Variants in REV3L observed in about 807,000 individuals in gnomAD.
REV3L encodes REV3 like, DNA directed polymerase zeta catalytic subunit, also known as DNA polymerase zeta catalytic subunit.
Under a neutral mutation model 299.4 loss-of-function variants are expected in REV3L, and 69 were observed. That is an observed-to-expected ratio of 0.23 (90% CI 0.19 to 0.28). The LOEUF (loss-of-function observed/expected upper bound fraction) is 0.28. REV3L is among the 10% of genes least tolerant of loss of function. The pLI is 1.00. For synonymous variants in REV3L, 1,238 were observed against 1,271.4 expected (o/e 0.97, Z 0.56); for missense variants, 3,128 against 3,693.8 (o/e 0.85, Z 3.97).
At chr6:111,410,122 TG>T (rs1270991194) in intron 3 of REV3L, among the ~76,000 whole-genome samples, 1 of 152,186 alleles carries the variant, frequency 6.6e-6, no homozygotes, top group Non-Finnish European at 1.5e-5. Flanking sequence ...GGAAGATCAC[TG>T]GAGCCCAGGA....
chr6:111,389,343 T>A (rs1781669351), intron 6 of REV3L, 133 bp from the exon 7 acceptor site: 2 of 677,662 alleles, frequency 3.0e-6, no homozygotes, highest in African/African-American at 3.6e-5. Flanking sequence ...GGACAAATTA[T>A]CCCAACCTAC....
intron 1 of REV3L, among the ~76,000 whole-genome samples, chr6:111,418,895 T>TA (rs1339119257): frequency 3.3e-5 from 5 of 152,134 alleles, no homozygotes; most frequent in Non-Finnish European, 7.4e-5. Flanking sequence ...TTAAATGAAT[T>TA]AAAGAACCCA....
chr6:111,392,462 G>C (rs985731147), intron 5 of REV3L, among the ~76,000 whole-genome samples: 1 of 151,944 alleles, frequency 6.6e-6, no homozygotes, highest in South Asian at 2.1e-4. Context: ...CAAAACCAGA[G>C]CATGTCAAAA....
intron 9 of REV3L, among the ~76,000 whole-genome samples, chr6:111,382,155 C>T (rs1780894226): frequency 6.6e-6 from 1 of 152,084 alleles, no homozygotes; most frequent in African/African-American, 2.4e-5. Context: ...AATATTAGTC[C>T]ATGTGGCCAT....
intron 25 of REV3L, among the ~76,000 whole-genome samples, chr6:111,324,563 C>CATAT (rs1774529240): frequency 6.6e-6 from 1 of 152,296 alleles, no homozygotes; most frequent in Non-Finnish European, 1.5e-5. Flanking sequence ...TATACTCGAA[C>CATAT]ATATACATAG....
chr6:111,356,902 T>C (rs892452185), intron 18 of REV3L, 112 bp downstream of exon 18: 39 of 485,208 alleles, frequency 8.0e-5, no homozygotes, highest in Admixed American at 2.6e-4. Context: ...TCAAGGGTCA[T>C]AGGAAGGGAT....
intron 4 of REV3L, among the ~76,000 whole-genome samples, chr6:111,403,041 A>G (rs969838545): frequency 2.6e-5 from 4 of 152,240 alleles, no homozygotes; most frequent in African/African-American, 9.6e-5. Flanking sequence ...GTGTATTCAC[A>G]TAACAGAGTA....
intron 9 of REV3L, among the ~76,000 whole-genome samples, chr6:111,386,656 T>C (rs1051872531): frequency 2.0e-5 from 3 of 152,056 alleles, no homozygotes; most frequent in Admixed American, 6.6e-5. Context: ...ACTATTGATA[T>C]CATTTTACAA....
In REV3L at chr6:111,349,271, T is replaced by A; in HGVS notation, c.7366A>T (p.Ile2456Leu). ...DEYGSYTMSE[I>L]NIVGRITLNL... ...AGTGTAATTCGGCCAACAATATTTA[T>A]CTCACTCATTGTATATGATCCATAC... The change falls in exon 20 of 32, where the codon ATA (isoleucine) becomes TTA (leucine). Residue 2456 changes from isoleucine to leucine, a missense_variant. Ile to Leu is a conservative substitution (Grantham distance 5, BLOSUM62 2). Coordinates refer to ENST00000368802, the MANE Select transcript of REV3L (RefSeq NM_001372078.1). The A allele has an allele frequency of 1.9e-6, 3 of 1,608,534 alleles. No homozygotes were observed. Among genetic ancestry groups the A allele is most frequent in the Non-Finnish European group, 2.6e-6 (3 of 1,176,146 alleles).
intron 4 of REV3L, among the ~76,000 whole-genome samples, chr6:111,393,388 A>G (rs1428080782): frequency 2.0e-5 from 3 of 152,186 alleles, no homozygotes; most frequent in Non-Finnish European, 4.4e-5. Flanking sequence ...TAATATTTGT[A>G]CATACTCATA....
intron 1 of REV3L, chr6:111,430,324 C>G: frequency 1.8e-6 from 2 of 1,131,552 alleles, no homozygotes; most frequent in South Asian, 2.5e-5. Flanking sequence ...TTTTACTGCT[C>G]CTGGCTACTC....
At chr6:111,435,114 G>T (rs1190438610) in intron 1 of REV3L, among the ~76,000 whole-genome samples, 2 of 152,124 alleles carry the variant, frequency 1.3e-5, no homozygotes, top group African/African-American at 4.8e-5. Context: ...CTGAAAGGTG[G>T]GAGGATTGCC....
chr6:111,314,996 G>A (rs1046784268), intron 27 of REV3L, among the ~76,000 whole-genome samples: 5 of 151,956 alleles, frequency 3.3e-5, no homozygotes, highest in East Asian at 1.9e-4. Context: ...GACTACAGGC[G>A]TGTGCCACTA....
In REV3L at chr6:111,315,258, T is replaced by C. The variant is rs372964022; in HGVS notation, c.8466+9A>G. 305 of 1,603,990 alleles carry C rather than the reference T, an allele frequency of 1.9e-4. No individual in the cohort carries two copies. The highest frequency in any genetic ancestry group is 2.5e-4 in the Non-Finnish European group (294 of 1,171,566). On this transcript the variant is annotated intron_variant, in intron 27 of 31. Coordinates refer to ENST00000368802, the MANE Select transcript of REV3L (RefSeq NM_001372078.1). ...TTATATGTAATTACTAATATTACATTCCTCTTACCTTTTCAAACTTCAATT... is the reference window on the plus strand; with the variant it reads ...TTATATGTAATTACTAATATTACATCCCTCTTACCTTTTCAAACTTCAATT...
intron 1 of REV3L, among the ~76,000 whole-genome samples, chr6:111,480,895 T>G (rs1407644): frequency 0.91 from 133,903 of 147,428 alleles, 61,027 homozygotes; most frequent in East Asian, 1. Context: ...CATGAAGGAT[T>G]AAATAGGAAA....
chr6:111,383,075 C>T (rs1251988923), intron 9 of REV3L, among the ~76,000 whole-genome samples: 1 of 152,180 alleles, frequency 6.6e-6, no homozygotes, highest in Non-Finnish European at 1.5e-5. Context: ...GCCCTTTGGC[C>T]TTGAGTAAAC....
Position 111,375,546 on chromosome 6 carries a change from C to A in REV3L, c.2809G>T (p.Val937Leu), listed in dbSNP as rs768544432. 5.6e-6 allele frequency: 9 copies of A among 1,613,508 alleles called. No homozygotes were observed. The highest frequency in any genetic ancestry group is 7.6e-6 in the Non-Finnish European group (9 of 1,179,810). ...YETEDSESSF[V>L]THNSKISLPH... ...AGACTAATTTTTGAGTTGTGAGTTA[C>A]AAAACTTGACTCACTGTCTTCAGTC... Residue 937 changes from valine (V) to leucine (L), a missense_variant, in exon 13 of 32, where the codon GTA becomes TTA. This residue lies in a region of REV3L where 2,409 missense variants were observed against 2,611.8 expected (regional missense o/e 0.92). Transcript: ENST00000368802.
chr6:111,431,709 C>A (rs1044026966), intron 1 of REV3L: 7 of 958,856 alleles, frequency 7.3e-6, no homozygotes, highest in East Asian at 2.4e-5. Flanking sequence ...TGGAAAACAA[C>A]TCTGTGGATT....
At chr6:111,330,117 A>G (rs1215491241) in intron 24 of REV3L, among the ~76,000 whole-genome samples, 1 of 152,150 alleles carries the variant, frequency 6.6e-6, no homozygotes, top group African/African-American at 2.4e-5. Context: ...ACTCATAACC[A>G]ACTCAGTTTT....
Sources: allele counts gnomAD v4.1 joint callset (sites outside exome capture counted in the v4.1 genomes callset), GRCh38; gene constraint gnomAD v4.1.1; regional missense constraint gnomAD v4.1.1; transcripts MANE v1.5; gene names NCBI Gene and HGNC (gene_info 2026-07-23, HGNC 2026-07-21).